The following STARD7 variants were observed in gnomAD, a reference collection of about 807,000 sequenced individuals.
STARD7 encodes the protein StAR related lipid transfer domain containing 7, also known as stAR-related lipid transfer protein 7, mitochondrial.
STARD7 carries 30 observed loss-of-function variants against 45.3 expected under a neutral mutation model. That is an observed-to-expected ratio of 0.66 (90% CI 0.50 to 0.90). STARD7 has a LOEUF of 0.90. Among genes scored for constraint, STARD7 ranks in the 40% least tolerant of loss-of-function variants. STARD7 has a pLI of 0.00. For synonymous variants in STARD7, 199 were observed against 183.0 expected, an observed-to-expected ratio of 1.09 and a Z score of -0.70; for missense variants, 495 against 491.3, an observed-to-expected ratio of 1.01 and a Z score of -0.07.
Position 96,186,744 on chromosome 2 carries a change from T to C in STARD7, c.1099A>G (p.Ile367Val), listed in dbSNP as rs1683043364. ...KNEGSCGPAR[I>V]EYA ...CCCAAAGCCTGTCAAGCATACTCAA[T>C]CCGAGCAGGGCCACAGCTGCCCTCG... The change falls in exon 8 of 8, where the codon ATT becomes GTT. Residue 367 changes from isoleucine (I) to valine (V), a missense_variant. Physicochemically the swap from Ile to Val is conservative, Grantham distance 29 (BLOSUM62 3). Around this residue, in one of 2 missense-constraint regions of STARD7, gnomAD observed 213 missense variants for 271.2 expected, o/e 0.79. Coordinates refer to ENST00000337288, the MANE Select transcript of STARD7 (RefSeq NM_020151.4). 1 of 1,610,332 alleles carries C rather than the reference T, an allele frequency of 6.2e-7. No individual in the cohort carries two copies. Among genetic ancestry groups the C allele is most frequent in the Non-Finnish European group, 8.5e-7 (1 of 1,178,604 alleles).
At chr2:96,204,564 C>T (rs1313014705) in intron 1 of STARD7, among the ~76,000 whole-genome samples, 3 of 149,842 alleles carry the variant, frequency 2.0e-5, no homozygotes, top group Non-Finnish European at 3.0e-5. Flanking sequence ...CGGAAGGGGG[C>T]GGGAGGGAAG....
chr2:96,206,273 A>G (rs879602092), intron 1 of STARD7, among the ~76,000 whole-genome samples: 7 of 152,082 alleles, frequency 4.6e-5, no homozygotes, highest in Non-Finnish European at 7.4e-5. Context: ...TCATCCATAA[A>G]AATGCATAAA....
intron 5 of STARD7, 145 bp from the exon 6 acceptor site, chr2:96,192,613 C>A: frequency 1.5e-6 from 1 of 657,718 alleles, no homozygotes. Flanking sequence ...TGAATAAATA[C>A]AAACTAAGTT....
chr2:96,196,490 CT>C lies in STARD7; in HGVS notation c.291-942del, dbSNP rs202148337. Among the ~76,000 whole-genome samples the C allele has an allele frequency of 4.8e-3, 735 of 152,154 alleles. 9 individuals are homozygous for C. Among genetic ancestry groups the C allele is most frequent in the African/African-American group, 0.017 (694 of 41,520 alleles). On this transcript the variant is annotated intron_variant, in intron 1 of 7. Transcript: ENST00000337288. ...TTTGTTTGTTTTTTTGAAACAGAGTCTCACTCTGTCACCCAGGCTAGAATAG... is the reference window on the plus strand; with the variant it reads ...TTTGTTTGTTTTTTTGAAACAGAGTCCACTCTGTCACCCAGGCTAGAATAG...
At chr2:96,206,788 G>C (rs1239710320) in intron 1 of STARD7, among the ~76,000 whole-genome samples, 1 of 123,506 alleles carries the variant, frequency 8.1e-6, no homozygotes. Context: ...GCGACAGAGC[G>C]AGACTCCGTC....
At chr2:96,194,774 T>A (rs1289565675) in intron 3 of STARD7, among the ~76,000 whole-genome samples, 184 bp downstream of exon 3, 1 of 152,192 alleles carries the variant, frequency 6.6e-6, no homozygotes, top group Non-Finnish European at 1.5e-5. Context: ...ACTGATCTCA[T>A]CCCCATGGGA....
chr2:96,195,270 A>T, intron 2 of STARD7, 71 bp downstream of exon 2: 1 of 1,317,558 alleles, frequency 7.6e-7, no homozygotes, highest in South Asian at 1.3e-5. Context: ...CAGTTTAGAG[A>T]AGTATGAAGA....
intron 5 of STARD7, 94 bp downstream of exon 5, chr2:96,192,984 C>T: frequency 3.4e-6 from 3 of 881,166 alleles, no homozygotes; most frequent in Non-Finnish European, 5.6e-6. Context: ...CTGTGGGAGA[C>T]TCATAGGACA....
At chr2:96,197,123 A>AACTAAACT (rs1683234024) in intron 1 of STARD7, among the ~76,000 whole-genome samples, 3 of 147,256 alleles carry the variant, frequency 2.0e-5, no homozygotes, top group Non-Finnish European at 4.5e-5. Flanking sequence ...AAATAAAATA[A>AACTAAACT]AGCCAAGCAC....
intron 1 of STARD7, among the ~76,000 whole-genome samples, chr2:96,198,714 CT>C (rs1289819069): frequency 7.2e-5 from 11 of 152,092 alleles, no homozygotes; most frequent in African/African-American, 2.7e-4. Flanking sequence ...TTTATTTTTT[CT>C]TTGATTGCTT....
chr2:96,187,315 A>C lies in STARD7; in HGVS notation c.844-14T>G. On this transcript the variant is annotated splice_polypyrimidine_tract_variant and intron_variant, in intron 6 of 7. Coordinates refer to ENST00000337288, the MANE Select transcript of STARD7 (RefSeq NM_020151.4). ...GTCAAAGCCATTCTGGAAAAGAAAAACAGCAAAAATGAAGATCCCTGAATC... is the reference window on the plus strand; with the variant it reads ...GTCAAAGCCATTCTGGAAAAGAAAACCAGCAAAAATGAAGATCCCTGAATC... 1 of 1,586,638 alleles carries C rather than the reference A, an allele frequency of 6.3e-7. No individual in the cohort carries two copies. Among genetic ancestry groups the C allele is most frequent in the Non-Finnish European group, 8.7e-7 (1 of 1,155,162 alleles).
rs777341785 is a variant in STARD7 at position 96,186,814 on chromosome 2, C to T, written c.1029G>A (p.Met343Ile). 3.1e-6 allele frequency: 5 copies of T among 1,613,864 alleles called. No homozygotes were observed. The African/African-American group carries it at 5.3e-5, about 17-fold the overall frequency. Residue 343 changes from methionine (M) to isoleucine (I), a missense_variant, in exon 8 of 8, where the codon ATG (methionine) becomes ATA (isoleucine). Physicochemically the swap from Met to Ile is conservative, Grantham distance 10. Around this residue, in one of 2 missense-constraint regions of STARD7, gnomAD observed 213 missense variants for 271.2 expected, o/e 0.79. Coordinates refer to ENST00000337288, the MANE Select transcript of STARD7 (RefSeq NM_020151.4). Reference sequence around the variant, plus strand: ...GGCTGGTGGCCTTGGCTTCACTACTCATTTCCAGAGGCTTAGCTGAGATGT... The same window carrying T: ...GGCTGGTGGCCTTGGCTTCACTACTTATTTCCAGAGGCTTAGCTGAGATGT... ...KDYISAKPLEMSSEAKATSQS... is the reference protein window; with the variant it reads ...KDYISAKPLEISSEAKATSQS...
chr2:96,193,096 ATGT>A lies in STARD7; in HGVS notation c.722_724del (p.Asn241del), dbSNP rs1447027174. ...TACATACCGCGACACCAACACCATC[ATGT>A]TGTTTTCCTGATCCACACTATACCG... On this transcript the variant is annotated inframe_deletion, in exon 5 of 8. Coordinates refer to ENST00000337288, the MANE Select transcript of STARD7 (RefSeq NM_020151.4). The A allele has an allele frequency of 6.2e-7, 1 of 1,613,448 alleles. No individual in the cohort carries two copies. The highest frequency in any genetic ancestry group is 1.1e-5 in the South Asian group (1 of 91,038).
chr2:96,208,247 C>G lies in STARD7; in HGVS notation c.188G>C (p.Arg63Pro), dbSNP rs1339167636. The stretch of plus-strand genomic sequence containing the variant: ...ATGGCCAGGACGGCCGTGCAGCCGG[C>G]GCCAGAGGCGGCCGAGGAGAACGCG... ...SRRVLLGRLW[R>P]RLHGRPGHAS... The change falls in exon 1 of 8, where the codon CGC becomes CCC. Residue 63 changes from arginine (R) to proline (P), a missense_variant. Around this residue, in one of 2 missense-constraint regions of STARD7, gnomAD observed 282 missense variants for 220.1 expected, o/e 1.28. Coordinates refer to ENST00000337288, the MANE Select transcript of STARD7 (RefSeq NM_020151.4). 6.2e-7 allele frequency: 1 copy of G among 1,612,090 alleles called. No individual in the cohort carries two copies. Among genetic ancestry groups the G allele is most frequent in the Non-Finnish European group, 8.5e-7 (1 of 1,179,594 alleles).
At chr2:96,190,335 C>CTT (rs1253428303) in intron 6 of STARD7, among the ~76,000 whole-genome samples, 25 of 131,708 alleles carry the variant, frequency 1.9e-4, no homozygotes, top group Admixed American at 3.1e-4. Flanking sequence ...AAGTCTGTGT[C>CTT]TTTTTTTTTT....
rs368142186 is a variant in STARD7, at chr2:96,193,249, T to C, written c.653A>G (p.His218Arg). Residue 218 changes from histidine to arginine, a missense_variant, in exon 4 of 8, where the codon CAT (histidine) becomes CGT (arginine). Physicochemically the swap from His to Arg is conservative, Grantham distance 29. Coordinates refer to ENST00000337288, the MANE Select transcript of STARD7 (RefSeq NM_020151.4). ...SGSEVLHWVT[H>R]FPYPMYSRDY... ...AGAAGTAAAAATACTCACAGGAAAA[T>C]GGGTTACCCAGTGAAGAACCTCGGA... 7 of 1,612,176 alleles carry C rather than the reference T, an allele frequency of 4.3e-6. No homozygotes were observed. The African/African-American group carries it at 5.3e-5, about 12-fold the overall frequency.
At chr2:96,191,195 A>C (rs1158850312) in intron 6 of STARD7, among the ~76,000 whole-genome samples, 1 of 152,148 alleles carries the variant, frequency 6.6e-6, no homozygotes, top group Non-Finnish European at 1.5e-5. Flanking sequence ...ATTTGAGATA[A>C]ATACTGAAAT....
At chr2:96,200,714 C>T (rs895123550) in intron 1 of STARD7, among the ~76,000 whole-genome samples, 4 of 152,142 alleles carry the variant, frequency 2.6e-5, no homozygotes, top group East Asian at 1.9e-4. Flanking sequence ...CAAAGTCTCA[C>T]TATGTCGCCG....
At chr2:96,187,328 A>T in intron 6 of STARD7, 27 bp from the exon 7 acceptor site, 1 of 1,472,434 alleles carries the variant, frequency 6.8e-7, no homozygotes, top group South Asian at 1.1e-5. Context: ...GCAAAAATGA[A>T]GATCCCTGAA....
Sources: gnomAD v4.1 joint callset for allele counts (sites outside exome capture counted in the v4.1 genomes callset) on GRCh38, gnomAD v4.1.1 for gene constraint, gnomAD v4.1.1 regional missense constraint, MANE v1.5 for transcripts, NCBI Gene and HGNC (gene_info 2026-07-23, HGNC 2026-07-21) for gene names.